The following AIG1 variants were observed in gnomAD, a reference collection of about 807,000 sequenced individuals.
AIG1 encodes the protein androgen-induced gene 1 protein.
Under a neutral mutation model 31.4 loss-of-function variants are expected in AIG1, and 23 were observed. The observed-to-expected ratio is 0.73, with a 90% CI of 0.53 to 1.04. AIG1 has a LOEUF of 1.04. Among genes scored for constraint, AIG1 ranks in the 50% least tolerant of loss-of-function variants. AIG1 has a pLI of 0.00. For missense variants in AIG1, 274 were observed against 295.0 expected (o/e 0.93, Z 0.52); for synonymous variants, 100 against 110.5 (o/e 0.90, Z 0.60).
At chr6:143,108,945 C>T (rs1243352587) in intron 1 of AIG1, among the ~76,000 whole-genome samples, 1 of 152,176 alleles carries the variant, frequency 6.6e-6, no homozygotes, top group Non-Finnish European at 1.5e-5. Context: ...TATCAAACAT[C>T]ACCAATACCC....
chr6:143,200,924 C>G (rs569948876), intron 3 of AIG1, among the ~76,000 whole-genome samples: 3 of 110,270 alleles, frequency 2.7e-5, no homozygotes, highest in African/African-American at 1.2e-4. Context: ...CTAAACCTAC[C>G]GAGTATCTCG....
At chr6:143,343,332 T>C, downstream of AIG1, 1 of 601,956 alleles carries the variant, frequency 1.7e-6, no homozygotes. Context: ...AGTGAAAATC[T>C]GGCATGAAAT....
chr6:143,136,951 G>A lies in AIG1; in HGVS notation c.258G>A (p.Arg86=), dbSNP rs147573390. Residue 86 remains arginine, a synonymous_variant, in exon 2 of 6, where the codon CGG becomes CGA. Transcript: ENST00000357847. ...ERQLKKLISL[R]DWMLAVLAFP... The stretch of plus-strand genomic sequence containing the variant: ...AGCTCAAGAAGCTCATCTCTCTCCG[G>A]GACTGGATGTTAGCTGTGTTGGCCT... 2.0e-6 allele frequency: 3 copies of A among 1,510,866 alleles called. No homozygotes were observed. The highest frequency in any genetic ancestry group is 2.8e-5 in the African/African-American group (2 of 72,246). 93.6% of individuals were successfully genotyped at this position (1,510,866 alleles called of 1,614,324 possible). A position where few individuals can be genotyped will look rare whatever the true frequency, so the allele number is the denominator to read the frequency against.
At chr6:143,212,874 G>A (rs777201187) in intron 3 of AIG1, among the ~76,000 whole-genome samples, 10 of 152,132 alleles carry the variant, frequency 6.6e-5, no homozygotes, top group Non-Finnish European at 1.5e-4. Flanking sequence ...ATAACATCTC[G>A]TCTTCTAAGA....
In AIG1 at chr6:143,119,640, G is replaced by A. The variant is rs150752620; in HGVS notation, c.142-17195G>A. Among the ~76,000 whole-genome samples, 638 of 152,242 alleles carry A rather than the reference G, an allele frequency of 4.2e-3. 5 individuals are homozygous for A. The highest frequency in any genetic ancestry group is 0.012 in the African/African-American group (504 of 41,548). ...GGACACTTTGGACTTAGTTTCTAAG[G>A]GGCTTATCCCTTCTCCACTCAGTGT... On this transcript the variant is annotated intron_variant, in intron 1 of 5. Coordinates refer to ENST00000357847, the MANE Select transcript of AIG1 (RefSeq NM_016108.4).
intron 3 of AIG1, among the ~76,000 whole-genome samples, chr6:143,185,592 G>A (rs1392621970): frequency 2.6e-5 from 4 of 152,154 alleles, no homozygotes; most frequent in African/African-American, 9.7e-5. Context: ...TTATTTATGA[G>A]CCTCTTTATC....
chr6:143,338,433 G>A lies in AIG1; in HGVS notation c.680-1206G>A, dbSNP rs1454961189. ...AAACCAAACATAAAAGATCATCTGGGGACATTCATTCAGAGCACGTTACCC... is the reference window on the plus strand; with the variant it reads ...AAACCAAACATAAAAGATCATCTGGAGACATTCATTCAGAGCACGTTACCC... On this transcript the variant is annotated intron_variant, in intron 5 of 5. Coordinates refer to ENST00000357847, the MANE Select transcript of AIG1 (RefSeq NM_016108.4). The surrounding 1 kb of genome is among the most constrained non-coding windows in gnomAD (Gnocchi z 4.3). 1 of 156,838 alleles carries A rather than the reference G, an allele frequency of 6.4e-6. No individual in the cohort carries two copies. The highest frequency in any genetic ancestry group is 1.4e-5 in the Non-Finnish European group (1 of 71,286). The allele number at this position is 156,838 out of a possible 1,614,324, so 9.7% of individuals were successfully genotyped here.
intron 3 of AIG1, among the ~76,000 whole-genome samples, chr6:143,194,955 A>G (rs944681614): frequency 6.6e-6 from 1 of 152,278 alleles, no homozygotes; most frequent in Admixed American, 6.5e-5. Context: ...GCCTCACCCA[A>G]AGAATGAAGA....
intron 3 of AIG1, among the ~76,000 whole-genome samples, chr6:143,203,993 A>G (rs1029825150): frequency 6.6e-6 from 1 of 152,182 alleles, no homozygotes; most frequent in Non-Finnish European, 1.5e-5. Context: ...GCAGAGTTTT[A>G]TTGTATAACA....
At chr6:143,127,061 A>C (rs1019650341) in intron 1 of AIG1, among the ~76,000 whole-genome samples, 1 of 152,218 alleles carries the variant, frequency 6.6e-6, no homozygotes, top group Admixed American at 6.5e-5. Context: ...GAGAGATTTT[A>C]TATGTAGATA....
chr6:143,142,511 A>G (rs1784325493), intron 2 of AIG1, among the ~76,000 whole-genome samples: 1 of 152,204 alleles, frequency 6.6e-6, no homozygotes, highest in African/African-American at 2.4e-5. Context: ...CTCTAGCCCC[A>G]GTGCTGGTCT....
At chr6:143,103,935 A>C (rs947151857) in intron 1 of AIG1, among the ~76,000 whole-genome samples, 9 of 152,196 alleles carry the variant, frequency 5.9e-5, no homozygotes, top group Non-Finnish European at 5.9e-5. Context: ...TCTACTCAAA[A>C]TGATTTGCCT....
chr6:143,065,263 G>A (rs909526860), intron 1 of AIG1, among the ~76,000 whole-genome samples: 2 of 152,210 alleles, frequency 1.3e-5, no homozygotes, highest in East Asian at 3.8e-4. Context: ...CTGAGCTTCG[G>A]CTTAGAGGCC....
intron 3 of AIG1, among the ~76,000 whole-genome samples, chr6:143,215,282 G>A (rs1791942307): frequency 6.6e-6 from 1 of 152,162 alleles, no homozygotes; most frequent in Non-Finnish European, 1.5e-5. Context: ...TGGATGAGCT[G>A]TGAATCCTGA....
At chr6:143,078,566 G>A (rs1416033539) in intron 1 of AIG1, among the ~76,000 whole-genome samples, 1 of 152,332 alleles carries the variant, frequency 6.6e-6, no homozygotes, top group South Asian at 2.1e-4. Context: ...GGCTGGGGAG[G>A]CCTCACAATC....
At chr6:143,211,275 C>A (rs973771241) in intron 3 of AIG1, among the ~76,000 whole-genome samples, 1 of 152,068 alleles carries the variant, frequency 6.6e-6, no homozygotes, top group East Asian at 1.9e-4. Context: ...CTGAGATAAA[C>A]CAGAAGCACA....
intron 4 of AIG1, among the ~76,000 whole-genome samples, chr6:143,319,936 T>C (rs1776069065): frequency 6.6e-6 from 1 of 152,164 alleles, no homozygotes; most frequent in South Asian, 2.1e-4. Flanking sequence ...AGGCAACTTA[T>C]GGCATGGGAG....
chr6:143,309,867 G>A lies in AIG1; in HGVS notation c.516-23415G>A, dbSNP rs116937236. Among the ~76,000 whole-genome samples the A allele has an allele frequency of 7.7e-3, 1,165 of 151,970 alleles. 20 individuals carry two copies. The highest frequency in any genetic ancestry group is 0.013 in the Admixed American group (195 of 15,272). ...GTTAGCTATATTAATTTCAGACAAA[G>A]CATACTTTGAACAAGGAAAATTATC... is the stretch of plus-strand genomic sequence containing the variant. On this transcript the variant is annotated intron_variant, in intron 4 of 5. Transcript: ENST00000357847.
intron 2 of AIG1, among the ~76,000 whole-genome samples, chr6:143,154,996 C>A (rs1272385675): frequency 2.7e-5 from 4 of 150,914 alleles, no homozygotes; most frequent in African/African-American, 9.8e-5. Context: ...TTCAGACATA[C>A]ACCACCACAT....
Sources: gnomAD v4.1 joint callset for allele counts (sites outside exome capture counted in the v4.1 genomes callset) on GRCh38, gnomAD v4.1.1 for gene constraint, Gnocchi (gnomAD v3.1) non-coding constraint, MANE v1.5 for transcripts, NCBI Gene and HGNC (gene_info 2026-07-23, HGNC 2026-07-21) for gene names.